The following MAP3K2 variants were observed in gnomAD, a reference collection of about 807,000 sequenced individuals.
MAP3K2 encodes the protein MAP/ERK kinase kinase 2.
A neutral mutation model predicts 80.3 loss-of-function variants in MAP3K2; 24 were observed. That is an observed-to-expected ratio of 0.30 (90% CI 0.22 to 0.42). The LOEUF (loss-of-function observed/expected upper bound fraction) is 0.42. MAP3K2 is among the 10% of genes least tolerant of loss of function. The probability of loss-of-function intolerance (pLI) is 1.00; values close to 1 mark genes in which losing one functional copy is unlikely to be tolerated. For synonymous variants in MAP3K2, 244 were observed against 253.7 expected, an observed-to-expected ratio of 0.96 and a Z score of 0.36; for missense variants, 608 against 750.1, an observed-to-expected ratio of 0.81 and a Z score of 2.21.
intron 1 of MAP3K2, among the ~76,000 whole-genome samples, chr2:127,373,968 T>C (rs892478221): frequency 6.6e-5 from 10 of 152,216 alleles, no homozygotes; most frequent in African/African-American, 2.4e-4. Context: ...ACTCCTTCAG[T>C]TCTTATCTCG....
chr2:127,379,305 T>C (rs773630972), intron 1 of MAP3K2, among the ~76,000 whole-genome samples: 20 of 152,214 alleles, frequency 1.3e-4, no homozygotes, highest in Non-Finnish European at 2.5e-4. Flanking sequence ...CAATAACTGA[T>C]AATGTTTTTG....
chr2:127,313,118 C>T, intron 15 of MAP3K2, among the ~76,000 whole-genome samples: 1 of 152,112 alleles, frequency 6.6e-6, no homozygotes, highest in Admixed American at 6.5e-5. Flanking sequence ...CATTTATTCT[C>T]TTATCAATAT....
intron 1 of MAP3K2, among the ~76,000 whole-genome samples, chr2:127,343,965 G>A (rs547434102): frequency 3.3e-5 from 5 of 151,998 alleles, no homozygotes; most frequent in Non-Finnish European, 7.4e-5. Context: ...AGGTTGCAGT[G>A]AGCTGTGGCA....
At chr2:127,369,988 T>C (rs192101448) in intron 1 of MAP3K2, among the ~76,000 whole-genome samples, 31 of 152,290 alleles carry the variant, frequency 2.0e-4, no homozygotes, top group Middle Eastern at 3.4e-3. Flanking sequence ...GGCAGCCAGA[T>C]TGTCTTATCT....
chr2:127,379,223 A>G (rs1159389670), intron 1 of MAP3K2, among the ~76,000 whole-genome samples: 1 of 152,034 alleles, frequency 6.6e-6, no homozygotes, highest in East Asian at 1.9e-4. Context: ...CTACCTCCCA[A>G]TCACATTAAA....
chr2:127,387,224 C>G (rs1323773774), intron 1 of MAP3K2, among the ~76,000 whole-genome samples: 1 of 152,122 alleles, frequency 6.6e-6, no homozygotes, highest in East Asian at 1.9e-4. Flanking sequence ...GCTAACACAG[C>G]CCAGCAGCCT....
At chr2:127,384,383 G>A (rs981891081) in intron 1 of MAP3K2, among the ~76,000 whole-genome samples, 33 of 152,052 alleles carry the variant, frequency 2.2e-4, no homozygotes, top group African/African-American at 8.0e-4. Flanking sequence ...AGATTCTTCT[G>A]ACAGATCTGA....
At chr2:127,357,196 A>G (rs1007450731) in intron 1 of MAP3K2, among the ~76,000 whole-genome samples, 1 of 152,268 alleles carries the variant, frequency 6.6e-6, no homozygotes, top group South Asian at 2.1e-4. Flanking sequence ...TCGGACCAGA[A>G]GACTCAATGT....
At chr2:127,338,260 C>T (rs762184572) in intron 3 of MAP3K2, among the ~76,000 whole-genome samples, 2 of 152,130 alleles carry the variant, frequency 1.3e-5, no homozygotes, top group Non-Finnish European at 2.9e-5. Context: ...TGAAATGCTA[C>T]CTTATTTTTT....
chr2:127,361,655 C>T (rs1049388327), intron 1 of MAP3K2, among the ~76,000 whole-genome samples: 5 of 152,012 alleles, frequency 3.3e-5, no homozygotes. Flanking sequence ...TTTCTCTTAT[C>T]GAGTTTTAAA....
intron 1 of MAP3K2, among the ~76,000 whole-genome samples, chr2:127,353,606 C>G (rs554272895): frequency 6.6e-6 from 1 of 151,152 alleles, no homozygotes; most frequent in South Asian, 2.1e-4. Context: ...CCGCCCCGTC[C>G]GGGAGGGAGG....
chr2:127,356,078 T>C (rs1014785187), intron 1 of MAP3K2, among the ~76,000 whole-genome samples: 1 of 152,166 alleles, frequency 6.6e-6, no homozygotes, highest in Non-Finnish European at 1.5e-5. Context: ...CTAGTTCTCC[T>C]GCTATTTCCA....
intron 13 of MAP3K2, 146 bp downstream of exon 13, chr2:127,318,023 A>G: frequency 1.3e-6 from 1 of 753,194 alleles, no homozygotes; most frequent in Non-Finnish European, 2.0e-6. Context: ...TCTGTTTTAC[A>G]AATAATTTAT....
intron 14 of MAP3K2, among the ~76,000 whole-genome samples, chr2:127,315,677 G>A (rs983493663): frequency 2.0e-5 from 3 of 152,316 alleles, no homozygotes; most frequent in East Asian, 3.9e-4. Flanking sequence ...GCTCACACCT[G>A]TAATCCCAGC....
At position 127,317,619 on chromosome 2, in the gene MAP3K2, A is replaced by G; in HGVS notation, c.1326+10T>C. On this transcript the variant is annotated intron_variant, in intron 14 of 16. Transcript: ENST00000682094. ...AGAATGTGTATTTTCAAAAAGATGT[A>G]CTAACTTACCCCTGGCATATATTCC... 3 of 1,534,688 alleles carry G rather than the reference A, an allele frequency of 2.0e-6. No homozygotes were observed. Among genetic ancestry groups the G allele is most frequent in the Admixed American group, 2.2e-5 (1 of 45,214 alleles).
At chr2:127,333,756 TAAA>T (rs1164789732) in intron 5 of MAP3K2, among the ~76,000 whole-genome samples, 1 of 151,720 alleles carries the variant, frequency 6.6e-6, no homozygotes, top group African/African-American at 2.4e-5. Flanking sequence ...AAAAATAAAC[TAAA>T]ATGGAGCAGT....
Position 127,324,245 on chromosome 2 carries a change from T to C in MAP3K2, c.678-4A>G, listed in dbSNP as rs965272925. On this transcript the variant is annotated splice_polypyrimidine_tract_variant and splice_region_variant and intron_variant, in intron 9 of 16. Transcript: ENST00000682094. ...TCGTGATTTTGGATAGCTCTCTCTA[T>C]AAAGAAAAAACATCACATTAAGTTT... 2.0e-6 allele frequency: 3 copies of C among 1,524,166 alleles called. 1 individual carries two copies. In the South Asian group the frequency reaches 3.8e-5, roughly 19 times the overall value. 94.4% of individuals were successfully genotyped at this position (1,524,166 alleles called of 1,614,324 possible). A position where few individuals can be genotyped will look rare whatever the true frequency, so the allele number is the denominator to read the frequency against.
At position 127,306,527 on chromosome 2, in the gene MAP3K2, T is replaced by G. The variant is rs1685702000; in HGVS notation, c.*1052A>C. 1.3e-5 allele frequency: 2 copies of G among 152,316 alleles called. No individual in the cohort carries two copies. The highest frequency in any genetic ancestry group is 3.4e-3 in the Middle Eastern group (1 of 294). 9.4% of individuals were successfully genotyped at this position (152,316 alleles called of 1,614,324 possible). ...TTCTGTGATCCTAAGAACAAGGGTTTCATCTCCTGACATAACACATAAACA... is the reference window on the plus strand; with the variant it reads ...TTCTGTGATCCTAAGAACAAGGGTTGCATCTCCTGACATAACACATAAACA... On this transcript the variant is annotated 3_prime_UTR_variant, in exon 17 of 17. Coordinates refer to ENST00000682094, the MANE Select transcript of MAP3K2 (RefSeq NM_001371910.2). This position sits in a 1 kb window ranked among gnomAD's most constrained non-coding sequence, Gnocchi z 4.7.
chr2:127,349,892 T>G (rs928718297), intron 1 of MAP3K2, among the ~76,000 whole-genome samples: 2 of 152,128 alleles, frequency 1.3e-5, no homozygotes, highest in Admixed American at 1.3e-4. Flanking sequence ...TTTTGTTTTC[T>G]GTGACAGGGT....
Sources: gnomAD v4.1 joint callset for allele counts (sites outside exome capture counted in the v4.1 genomes callset) on GRCh38, gnomAD v4.1.1 for gene constraint, Gnocchi (gnomAD v3.1) non-coding constraint, MANE v1.5 for transcripts, NCBI Gene and HGNC (gene_info 2026-07-23, HGNC 2026-07-21) for gene names.